The following C2CD5 variants were observed in gnomAD, a reference collection of about 807,000 sequenced individuals.
C2CD5 encodes C2 calcium dependent domain containing 5.
A neutral mutation model predicts 130.3 loss-of-function variants in C2CD5; 109 were observed. That is an observed-to-expected ratio of 0.84 (90% CI 0.72 to 0.98). C2CD5 has a LOEUF of 0.98. C2CD5 is among the 50% of genes least tolerant of loss of function. The pLI is 0.00. For synonymous variants in C2CD5, 454 were observed against 429.2 expected (o/e 1.06, Z -0.71); for missense variants, 996 against 1,261.8 (o/e 0.79, Z 3.19).
intron 20 of C2CD5, 41 bp downstream of exon 20, chr12:22,471,358 C>T (rs903325247): frequency 9.6e-7 from 1 of 1,045,972 alleles, no homozygotes. Flanking sequence ...AATAATAAAA[C>T]AGATCAGATA....
At position 22,484,845 on chromosome 12, in the gene C2CD5, G is replaced by C; in HGVS notation, c.1402C>G (p.Pro468Ala). 6.3e-7 allele frequency: 1 copy of C among 1,584,602 alleles called. No individual in the cohort carries two copies. The highest frequency in any genetic ancestry group is 1.7e-5 in the Admixed American group (1 of 57,398). ...AATGGCATATTCAGTTCATCATATG[G>C]TATATGACAAAATCCACAACGTGTA... is the stretch of plus-strand genomic sequence containing the variant. The part of the protein sequence containing the change: ...LPTRCGFCHI[P>A]YDELNMPFPA... Residue 468 changes from proline to alanine, a missense_variant, in exon 13 of 27, where the codon CCA (proline) becomes GCA (alanine). Coordinates refer to ENST00000446597, the MANE Select transcript of C2CD5 (RefSeq NM_001286176.2).
chr12:22,499,903 T>C (rs2136595556), intron 10 of C2CD5, among the ~76,000 whole-genome samples: 1 of 152,318 alleles, frequency 6.6e-6, no homozygotes, highest in Non-Finnish European at 1.5e-5. Context: ...AAAACATTTC[T>C]AGGTCTGGGT....
At chr12:22,462,648 C>T (rs1045017571) in intron 22 of C2CD5, among the ~76,000 whole-genome samples, 9 of 152,190 alleles carry the variant, frequency 5.9e-5, no homozygotes, top group African/African-American at 1.7e-4. Flanking sequence ...TTCTCCAGTA[C>T]GTCTAAAGTC....
At chr12:22,461,107 G>A (rs761744062) in intron 22 of C2CD5, among the ~76,000 whole-genome samples, 6 of 152,184 alleles carry the variant, frequency 3.9e-5, no homozygotes, top group Non-Finnish European at 8.8e-5. Flanking sequence ...CCTAAAGAAA[G>A]ACCAGCACAG....
intron 20 of C2CD5, 80 bp from the exon 21 acceptor site, chr12:22,470,991 C>T (rs1036586134): frequency 2.5e-5 from 22 of 894,180 alleles, no homozygotes; most frequent in African/African-American, 1.0e-4. Context: ...TTCAGTACCA[C>T]GGAACAACCT....
intron 14 of C2CD5, among the ~76,000 whole-genome samples, chr12:22,480,933 T>C (rs1692811926): frequency 1.3e-5 from 2 of 152,160 alleles, no homozygotes; most frequent in East Asian, 1.9e-4. Flanking sequence ...GCCTCCCAAG[T>C]TGCTGGGACT....
intron 7 of C2CD5, among the ~76,000 whole-genome samples, chr12:22,523,213 C>T (rs1383785792): frequency 6.6e-6 from 1 of 150,830 alleles, no homozygotes; most frequent in African/African-American, 2.4e-5. Flanking sequence ...GACCCTGTCA[C>T]AAAAAATAAA....
Position 22,524,626 on chromosome 12 carries a change from T to G in C2CD5, c.447A>C (p.Thr149=). The G allele has an allele frequency of 6.2e-7, 1 of 1,606,702 alleles. No individual in the cohort carries two copies. The highest frequency in any genetic ancestry group is 1.1e-5 in the South Asian group (1 of 89,406). ...CTCTATAGCATTTTGGAATAGACGT[T>G]GCTGTTAAAACAAATTATTATGCTT... ...QSSCGVKFFC[T]TSIPKCYRAV... is the part of the protein sequence containing the mutation. The change falls in exon 6 of 27, where the codon ACA becomes ACC. Residue 149 remains threonine (T), a splice_region_variant and synonymous_variant. Coordinates refer to ENST00000446597, the MANE Select transcript of C2CD5 (RefSeq NM_001286176.2).
rs1202439363 is a variant in C2CD5, at chr12:22,474,851, G to C, written c.1943C>G (p.Pro648Arg). Residue 648 changes from proline to arginine, a missense_variant, in exon 16 of 27, where the codon CCT (proline) becomes CGT (arginine). By Grantham distance (103) the Pro-to-Arg change is moderately radical (BLOSUM62 -2). Transcript: ENST00000446597. ...EEIIGSPIPE[P>R]RQRSRLLRSQ... ...TCTTAGAAGTCTTGAGCGTTGCCTA[G>C]GTTCTGGGATGGGTGATCCTATAAT... The C allele has an allele frequency of 1.2e-6, 2 of 1,606,274 alleles. No individual in the cohort carries two copies. Among genetic ancestry groups the C allele is most frequent in the African/African-American group, 2.7e-5 (2 of 74,654 alleles).
At chr12:22,451,125 G>A (rs187952657) in intron 26 of C2CD5, among the ~76,000 whole-genome samples, 1 of 152,052 alleles carries the variant, frequency 6.6e-6, no homozygotes, top group Non-Finnish European at 1.5e-5. Flanking sequence ...TGCATGTGGG[G>A]AAGAAAAGTG....
chr12:22,540,252 T>C (rs1024534128), intron 2 of C2CD5, among the ~76,000 whole-genome samples: 1 of 152,228 alleles, frequency 6.6e-6, no homozygotes, highest in Non-Finnish European at 1.5e-5. Context: ...GGTTTTAACA[T>C]AGGCGAGGCA....
chr12:22,476,749 G>A (rs1943898999), intron 15 of C2CD5, among the ~76,000 whole-genome samples: 1 of 152,030 alleles, frequency 6.6e-6, no homozygotes, highest in South Asian at 2.1e-4. Flanking sequence ...CCTGTTAGAG[G>A]TCAGGATGGA....
chr12:22,455,012 A>G (rs895008974), intron 25 of C2CD5, among the ~76,000 whole-genome samples: 1 of 152,184 alleles, frequency 6.6e-6, no homozygotes, highest in Non-Finnish European at 1.5e-5. Context: ...CACAAATTCT[A>G]TTGGACTTAT....
At chr12:22,537,565 T>C (rs543890656) in intron 2 of C2CD5, among the ~76,000 whole-genome samples, 49 of 152,352 alleles carry the variant, frequency 3.2e-4, no homozygotes, top group African/African-American at 1.1e-3. Context: ...CTTATAACTC[T>C]GTTAAAGAAC....
chr12:22,459,540 G>A lies in C2CD5; in HGVS notation c.2536C>T (p.His846Tyr). The A allele has an allele frequency of 6.6e-7, 1 of 1,525,366 alleles. No homozygotes were observed. The highest frequency in any genetic ancestry group is 8.8e-7 in the Non-Finnish European group (1 of 1,137,306). 94.5% of individuals were successfully genotyped at this position (1,525,366 alleles called of 1,614,324 possible). ...GAGTTAGAACTTGCACTCTCCAGGT[G>A]TTCTAATAAGACAATATGAACAACA... Reference protein sequence around the residue: ...PSHPFPPAKEHLESASSNSGI... With the variant: ...PSHPFPPAKEYLESASSNSGI... Residue 846 changes from histidine (H) to tyrosine (Y), a missense_variant and splice_region_variant, in exon 23 of 27, where the codon CAC becomes TAC. This residue lies in a region of C2CD5 where 590 missense variants were observed against 631.4 expected (regional missense o/e 0.93). Transcript: ENST00000446597.
At chr12:22,537,558 A>G (rs1273329266) in intron 2 of C2CD5, among the ~76,000 whole-genome samples, 1 of 152,254 alleles carries the variant, frequency 6.6e-6, no homozygotes, top group Non-Finnish European at 1.5e-5. Flanking sequence ...TGAATGCCTT[A>G]TAACTCTGTT....
At chr12:22,496,934 G>A (rs1413135817) in intron 10 of C2CD5, among the ~76,000 whole-genome samples, 2 of 151,950 alleles carry the variant, frequency 1.3e-5, no homozygotes, top group Admixed American at 6.6e-5. Flanking sequence ...GCCACAGCTC[G>A]ATATCTTGCC....
rs752538749 is a variant in C2CD5 at position 22,493,323 on chromosome 12, G to A, written c.1162C>T (p.Arg388Ter). ...RIHNPDEPET[R>*]DAWWAEIRQE... ...CTGATTTCTGCCCACCATGCATCTC[G>A]AGTTTCTGGTTCATCTGAAAAATAA... The change falls in exon 11 of 27, where the codon CGA (arginine) becomes TGA (stop). Residue 388 changes from arginine to a stop codon, truncating the protein, a stop_gained. Transcript: ENST00000446597. LOFTEE classifies it high-confidence loss of function. 5 of 1,604,142 alleles carry A rather than the reference G, an allele frequency of 3.1e-6. No homozygotes were observed. The highest frequency in any genetic ancestry group is 1.1e-5 in the South Asian group (1 of 90,640).
chr12:22,534,023 T>C (rs1951578212), intron 3 of C2CD5, among the ~76,000 whole-genome samples: 1 of 152,056 alleles, frequency 6.6e-6, no homozygotes, highest in Non-Finnish European at 1.5e-5. Flanking sequence ...CCATCTCTAC[T>C]AAAAATACAA....
Sources: gnomAD v4.1 joint callset for allele counts (sites outside exome capture counted in the v4.1 genomes callset) on GRCh38, gnomAD v4.1.1 for gene constraint, gnomAD v4.1.1 regional missense constraint, MANE v1.5 for transcripts, NCBI Gene and HGNC (gene_info 2026-07-23, HGNC 2026-07-21) for gene names.